INPP5A: variants seen among roughly 807,000 people sequenced by gnomAD.
INPP5A encodes inositol polyphosphate-5-phosphatase A.
A neutral mutation model predicts 65.2 loss-of-function variants in INPP5A; 14 were observed. That is an observed-to-expected ratio of 0.21 (90% CI 0.14 to 0.34). The LOEUF is 0.34. Among genes scored for constraint, INPP5A ranks in the 10% least tolerant of loss-of-function variants. The pLI is 1.00. For missense variants in INPP5A, 431 were observed against 545.6 expected, an observed-to-expected ratio of 0.79 and a Z score of 2.09; for synonymous variants, 207 against 208.3, an observed-to-expected ratio of 0.99 and a Z score of 0.05.
chr10:132,538,141 C>T lies in INPP5A; in HGVS notation c.45C>T (p.Val15=). Residue 15 remains valine, a synonymous_variant, in exon 1 of 16, where the codon GTC becomes GTT. Transcript: ENST00000368594. The surrounding 1 kb of genome is among the most constrained non-coding windows in gnomAD (Gnocchi z 4.1). ...CCCCGGGCACCGCGGTGCTGCTGGT[C>T]ACGGCCAACGTGGGCTCGCTCTTCG... ...AAAPGTAVLL[V]TANVGSLFDD... 1 of 1,274,780 alleles carries T rather than the reference C, an allele frequency of 7.8e-7. No individual in the cohort carries two copies. 79.0% of individuals were successfully genotyped at this position (1,274,780 alleles called of 1,614,324 possible).
At position 132,782,240 on chromosome 10, in the gene INPP5A, A is replaced by T; in HGVS notation, c.*211A>T. The T allele has an allele frequency of 2.0e-6, 1 of 499,096 alleles. No individual in the cohort carries two copies. The highest frequency in any genetic ancestry group is 3.4e-6 in the Non-Finnish European group (1 of 291,900). 30.9% of individuals were successfully genotyped at this position (499,096 alleles called of 1,614,324 possible). A position where few individuals can be genotyped will look rare whatever the true frequency, so the allele number is the denominator to read the frequency against. ...CTCGTCTGTCTATGTGACATTAAGT[A>T]GAAATATTGGTTTTTTTTTTTTTTT... On this transcript the variant is annotated 3_prime_UTR_variant, in exon 16 of 16. Transcript: ENST00000368594. The surrounding 1 kb of genome is among the most constrained non-coding windows in gnomAD (Gnocchi z 4.4).
intron 8 of INPP5A, among the ~76,000 whole-genome samples, chr10:132,726,216 A>G (rs1845981467): frequency 6.6e-6 from 1 of 152,268 alleles, no homozygotes; most frequent in Non-Finnish European, 1.5e-5. Context: ...ACACGTATGC[A>G]GCCACTGTTA....
chr10:132,579,864 G>C (rs2071460271), intron 1 of INPP5A, among the ~76,000 whole-genome samples: 1 of 151,888 alleles, frequency 6.6e-6, no homozygotes, highest in Non-Finnish European at 1.5e-5. Flanking sequence ...CTGGTTCTTG[G>C]TGCTCCCCTT....
intron 1 of INPP5A, among the ~76,000 whole-genome samples, chr10:132,543,157 A>C (rs1181715200): frequency 2.0e-5 from 3 of 152,164 alleles, no homozygotes; most frequent in African/African-American, 7.2e-5. Context: ...GTATGTTCAC[A>C]GGGTGTGCAG....
intron 9 of INPP5A, among the ~76,000 whole-genome samples, chr10:132,736,355 G>A (rs1177355496): frequency 6.6e-6 from 1 of 152,282 alleles, no homozygotes; most frequent in African/African-American, 2.4e-5. Context: ...ACGTCTGACA[G>A]TGACGGTGAT....
rs771373680 is a variant in INPP5A at position 132,607,973 on chromosome 10, C to T, written c.117+17C>T. ...TTTTACCAGGTAAGAACCACTGAAA[C>T]GTGTTCTTTTGGATTCATTACTTAG... On this transcript the variant is annotated intron_variant, in intron 2 of 15. Transcript: ENST00000368594. 2.3e-5 allele frequency: 37 copies of T among 1,609,390 alleles called. No homozygotes were observed. Among genetic ancestry groups the T allele is most frequent in the Non-Finnish European group, 3.0e-5 (35 of 1,177,282 alleles).
intron 12 of INPP5A, among the ~76,000 whole-genome samples, chr10:132,766,313 G>T (rs1846844127): frequency 6.6e-6 from 1 of 152,246 alleles, no homozygotes; most frequent in Admixed American, 6.5e-5. Context: ...TCCAAAAAAG[G>T]TTTTTTCCAA....
chr10:132,577,863 C>T (rs1346370958), intron 1 of INPP5A, among the ~76,000 whole-genome samples: 1 of 152,220 alleles, frequency 6.6e-6, no homozygotes, highest in Admixed American at 6.5e-5. Flanking sequence ...ACTCGGCAGC[C>T]GTCAGACTCC....
At chr10:132,666,832 C>T (rs1265432831) in intron 4 of INPP5A, among the ~76,000 whole-genome samples, 1 of 152,248 alleles carries the variant, frequency 6.6e-6, no homozygotes, top group Non-Finnish European at 1.5e-5. Flanking sequence ...CCACCCACCT[C>T]ATCCGTAAGT....
chr10:132,778,335 A>G (rs1460501551), intron 13 of INPP5A, among the ~76,000 whole-genome samples: 2 of 112,496 alleles, frequency 1.8e-5, no homozygotes, highest in Non-Finnish European at 3.5e-5. Context: ...TTTTTTTTAC[A>G]AAAGAGGTGA....
intron 11 of INPP5A, among the ~76,000 whole-genome samples, chr10:132,750,880 G>C (rs1200740960): frequency 6.6e-6 from 1 of 152,248 alleles, no homozygotes; most frequent in African/African-American, 2.4e-5. Flanking sequence ...GGGAGCACAG[G>C]CGGGTAGACC....
At chr10:132,562,940 C>T (rs941278715) in intron 1 of INPP5A, among the ~76,000 whole-genome samples, 2 of 152,214 alleles carry the variant, frequency 1.3e-5, no homozygotes, top group Non-Finnish European at 2.9e-5. Context: ...GCCCCCTTCC[C>T]TGTATGCTCT....
intron 6 of INPP5A, among the ~76,000 whole-genome samples, chr10:132,703,055 G>A (rs1332104920): frequency 6.6e-6 from 1 of 152,110 alleles, no homozygotes; most frequent in East Asian, 1.9e-4. Context: ...CCTCCCGTTG[G>A]GTGCCCCCCA....
chr10:132,678,953 G>C lies in INPP5A; in HGVS notation c.307-11439G>C, dbSNP rs776152227. 9.2e-5 allele frequency among the ~76,000 whole-genome samples: 14 copies of C among 152,218 alleles called. No individual in the cohort carries two copies. Among genetic ancestry groups the C allele is most frequent in the Non-Finnish European group, 7.3e-5 (5 of 68,040 alleles). On this transcript the variant is annotated intron_variant, in intron 4 of 15. Coordinates refer to ENST00000368594, the MANE Select transcript of INPP5A (RefSeq NM_005539.5). The surrounding 1 kb of genome is among the most constrained non-coding windows in gnomAD (Gnocchi z 4.1). ...GGCGCAGCCTCCTCAGGCCCAGATG[G>C]CCAATGGGGCTGGAGCTCTGTCAGC... is the stretch of plus-strand genomic sequence containing the variant.
At chr10:132,729,748 A>G (rs879393624) in intron 9 of INPP5A, among the ~76,000 whole-genome samples, 11 of 152,228 alleles carry the variant, frequency 7.2e-5, no homozygotes, top group Non-Finnish European at 1.5e-4. Flanking sequence ...CCCATCACCA[A>G]TAAACCAGTG....
At chr10:132,553,871 C>A (rs1188796974) in intron 1 of INPP5A, among the ~76,000 whole-genome samples, 101 of 86,544 alleles carry the variant, frequency 1.2e-3, no homozygotes, top group African/African-American at 1.8e-3. Flanking sequence ...GCCTTGGTGG[C>A]ATATTGGGTA....
rs543345447 is a variant in INPP5A at position 132,575,397 on chromosome 10, G to A, written c.76-32518G>A. On this transcript the variant is annotated intron_variant, in intron 1 of 15. Coordinates refer to ENST00000368594, the MANE Select transcript of INPP5A (RefSeq NM_005539.5). The surrounding 1 kb of genome is among the most constrained non-coding windows in gnomAD (Gnocchi z 5.4). ...CAGCCCCCCGCAGCTCACAGGGTCAGGATGGGAGGGGAGTACAGGCTGAGG... is the reference window on the plus strand; with the variant it reads ...CAGCCCCCCGCAGCTCACAGGGTCAAGATGGGAGGGGAGTACAGGCTGAGG... Among the ~76,000 whole-genome samples, 1 of 152,178 alleles carries A rather than the reference G, an allele frequency of 6.6e-6. No individual in the cohort carries two copies. The highest frequency in any genetic ancestry group is 1.5e-5 in the Non-Finnish European group (1 of 68,032).
chr10:132,591,704 TGTC>T (rs2071622214), intron 1 of INPP5A, among the ~76,000 whole-genome samples: 1 of 152,222 alleles, frequency 6.6e-6, no homozygotes, highest in Non-Finnish European at 1.5e-5. Context: ...ATTCTCCTGT[TGTC>T]TGTCCTTTTT....
intron 2 of INPP5A, 106 bp downstream of exon 2, chr10:132,608,062 A>T (rs2071883047): frequency 2.0e-6 from 2 of 1,008,470 alleles, no homozygotes; most frequent in East Asian, 4.8e-5. Flanking sequence ...TGGGGAGCGC[A>T]GGCCTGGGCT....
Sources: gnomAD v4.1 joint callset for allele counts (sites outside exome capture counted in the v4.1 genomes callset) on GRCh38, gnomAD v4.1.1 for gene constraint, Gnocchi (gnomAD v3.1) non-coding constraint, MANE v1.5 for transcripts, NCBI Gene and HGNC (gene_info 2026-07-23, HGNC 2026-07-21) for gene names.